Variants in PMM1 observed in about 807,000 individuals in gnomAD.
The protein encoded by PMM1 is phosphomannomutase 1.
A neutral mutation model predicts 34.0 loss-of-function variants in PMM1; 25 were observed. The observed-to-expected ratio is 0.73, with a 90% CI of 0.54 to 1.03. PMM1 has a LOEUF of 1.03. PMM1 is among the 50% of genes least tolerant of loss of function. The pLI, the probability that PMM1 is intolerant of heterozygous loss-of-function variation, is 0.00. For synonymous variants in PMM1, 134 were observed against 143.9 expected (o/e 0.93, Z 0.49); for missense variants, 321 against 350.1 (o/e 0.92, Z 0.66).
chr22:41,577,587 G>A (rs2067188445), intron 7 of PMM1, 147 bp from the exon 8 acceptor site: 3 of 979,452 alleles, frequency 3.1e-6, no homozygotes, highest in Non-Finnish European at 4.6e-6. Flanking sequence ...CTGACTTGCT[G>A]TGTGATGTAG....
chr22:41,577,057 C>G lies in PMM1; in HGVS notation c.*261G>C. On this transcript the variant is annotated 3_prime_UTR_variant, in exon 8 of 8. Transcript: ENST00000216259. ...GTGCAGAAAGAAACCTCTTCTGTAC[C>G]GAAATACAAGCAGCAGCTGTGGCCT... 1 of 535,698 alleles carries G rather than the reference C, an allele frequency of 1.9e-6. No individual in the cohort carries two copies. Among genetic ancestry groups the G allele is most frequent in the Non-Finnish European group, 3.4e-6 (1 of 295,714 alleles). The allele number at this position is 535,698 out of a possible 1,614,324, so 33.2% of individuals were successfully genotyped here. A position where few individuals can be genotyped will look rare whatever the true frequency, so the allele number is the denominator to read the frequency against.
At chr22:41,577,558 ACCCC>A in intron 7 of PMM1, 118 bp from the exon 8 acceptor site, 1 of 1,206,040 alleles carries the variant, frequency 8.3e-7, no homozygotes, top group Non-Finnish European at 1.2e-6. Flanking sequence ...CCACCTTCTC[ACCCC>A]TTGTCAGACC....
intron 4 of PMM1, 45 bp downstream of exon 4, chr22:41,584,236 T>C: frequency 2.6e-6 from 4 of 1,557,596 alleles, no homozygotes; most frequent in Non-Finnish European, 3.5e-6. Context: ...ACACTTCTCC[T>C]CCCTCAGGCC....
intron 6 of PMM1, 122 bp from the exon 7 acceptor site, chr22:41,578,045 G>A (rs944864941): frequency 8.8e-6 from 6 of 682,912 alleles, no homozygotes; most frequent in Non-Finnish European, 1.3e-5. Flanking sequence ...CCAGGAATAG[G>A]ACACGGGACA....
rs2067356703 is a variant in PMM1 at position 41,589,623 on chromosome 22, G to A, written c.87+96C>T. ...CCGCCGCATCCCACACTCGGTCCCC[G>A]GGTGTCCACGGTCACGCTGCTGCAG... On this transcript the variant is annotated intron_variant, in intron 1 of 7. Transcript: ENST00000216259. 9 of 1,079,376 alleles carry A rather than the reference G, an allele frequency of 8.3e-6. No individual in the cohort carries two copies. In the Admixed American group the frequency reaches 1.5e-4, roughly 18 times the overall value. The allele number at this position is 1,079,376 out of a possible 1,614,324, so 66.9% of individuals were successfully genotyped here.
At chr22:41,579,655 G>C (rs1290580299) in intron 5 of PMM1, 1 of 152,638 alleles carries the variant, frequency 6.6e-6, no homozygotes, top group Non-Finnish European at 1.5e-5. Flanking sequence ...TGGAGCACAG[G>C]AGTGGGGTGG....
At chr22:41,581,113 CAAAAAAAAAA>C (rs933737603) in intron 5 of PMM1, among the ~76,000 whole-genome samples, 1 of 42,490 alleles carries the variant, frequency 2.4e-5, no homozygotes, top group Admixed American at 2.5e-4. Context: ...GACTCCATCT[CAAAAAAAAAA>C]AAAAAAAAAA....
intron 1 of PMM1, among the ~76,000 whole-genome samples, chr22:41,588,407 G>T (rs886657511): frequency 6.6e-6 from 1 of 152,246 alleles, no homozygotes; most frequent in Admixed American, 6.5e-5. Flanking sequence ...TTTTAGTAGA[G>T]ATAGGGTTTC....
intron 6 of PMM1, among the ~76,000 whole-genome samples, chr22:41,578,546 T>C (rs1169585695): frequency 6.6e-6 from 1 of 151,914 alleles, no homozygotes; most frequent in East Asian, 1.9e-4. Context: ...GGGGAGAGCA[T>C]TCAAGGGAGA....
intron 7 of PMM1, 61 bp downstream of exon 7, chr22:41,577,747 A>T: frequency 7.6e-7 from 1 of 1,309,742 alleles, no homozygotes; most frequent in Non-Finnish European, 1.1e-6. Context: ...TGGAGAAGCC[A>T]CCAGACCTGG....
At chr22:41,589,639 G>A in intron 1 of PMM1, 80 bp downstream of exon 1, 1 of 1,246,410 alleles carries the variant, frequency 8.0e-7, no homozygotes, top group East Asian at 2.5e-5. Context: ...CCACGGTCAC[G>A]CTGCTGCAGA....
At chr22:41,581,212 T>G (rs1245706657) in intron 5 of PMM1, among the ~76,000 whole-genome samples, 2 of 150,334 alleles carry the variant, frequency 1.3e-5, no homozygotes, top group African/African-American at 4.9e-5. Flanking sequence ...TAATCCCAGC[T>G]ACTCAGGAGG....
chr22:41,582,455 C>G (rs535365600), intron 5 of PMM1, among the ~76,000 whole-genome samples: 1 of 152,144 alleles, frequency 6.6e-6, no homozygotes, highest in African/African-American at 2.4e-5. Context: ...CAGAGTAAGA[C>G]CCTGTCTCAA....
chr22:41,584,617 TAGAGGACAGG>T lies in PMM1; in HGVS notation c.206-24_206-15del. ...ACTTCTCAATGACTTCAGGGTCACA[TAGAGGACAGG>T]AGGAAGAAAGAGTGTGAGACCACGT... On this transcript the variant is annotated splice_polypyrimidine_tract_variant and intron_variant, in intron 2 of 7. Coordinates refer to ENST00000216259, the MANE Select transcript of PMM1 (RefSeq NM_002676.3). The T allele has an allele frequency of 6.2e-7, 1 of 1,605,128 alleles. No individual in the cohort carries two copies. Among genetic ancestry groups the T allele is most frequent in the Non-Finnish European group, 8.5e-7 (1 of 1,172,812 alleles).
chr22:41,580,208 C>G (rs558332228), intron 5 of PMM1: 2 of 152,336 alleles, frequency 1.3e-5, no homozygotes, highest in Non-Finnish European at 2.9e-5. Context: ...GAGCTGGTTA[C>G]TCACCCTCTG....
chr22:41,578,519 G>A (rs2067202792), intron 6 of PMM1, among the ~76,000 whole-genome samples: 1 of 151,852 alleles, frequency 6.6e-6, no homozygotes, highest in African/African-American at 2.4e-5. Flanking sequence ...CTAGGAGTTT[G>A]GACTTGGGAA....
Position 41,586,147 on chromosome 22 carries a change from C to G in PMM1, c.134G>C (p.Arg45Thr). The change falls in exon 2 of 8, where the codon AGA becomes ACA. Residue 45 changes from arginine (R) to threonine (T), a missense_variant. Physicochemically the swap from Arg to Thr is moderately conservative, Grantham distance 71. Coordinates refer to ENST00000216259, the MANE Select transcript of PMM1 (RefSeq NM_002676.3). ...GCCGCCCACCACACCGATCTGCACT[C>G]TACTTCGTAGCTTCTGCAGGAAGGC... ...VAAFLQKLRS[R>T]VQIGVVGGSD... 8 of 1,612,808 alleles carry G rather than the reference C, an allele frequency of 5.0e-6. No homozygotes were observed. Among genetic ancestry groups the G allele is most frequent in the Non-Finnish European group, 6.8e-6 (8 of 1,179,616 alleles).
At chr22:41,578,979 G>A (rs1182483999) in intron 5 of PMM1, 98 bp from the exon 6 acceptor site, 4 of 1,033,894 alleles carry the variant, frequency 3.9e-6, no homozygotes, top group Admixed American at 3.8e-5. Context: ...AGCATTCTAG[G>A]TGGGTAGGAC....
chr22:41,586,304 TG>T, intron 1 of PMM1, 111 bp from the exon 2 acceptor site: 1 of 1,563,846 alleles, frequency 6.4e-7, no homozygotes, highest in Non-Finnish European at 8.6e-7. Context: ...TACCTGGATC[TG>T]AAGCAGTACA....
Sources: allele counts gnomAD v4.1 joint callset (sites outside exome capture counted in the v4.1 genomes callset), GRCh38; gene constraint gnomAD v4.1.1; transcripts MANE v1.5; gene names NCBI Gene and HGNC (gene_info 2026-07-23, HGNC 2026-07-21).